Variants in CEP112 observed in about 807,000 individuals in gnomAD.
CEP112 encodes the protein centrosomal protein of 112 kDa.
In CEP112, 127 loss-of-function variants were observed where a neutral mutation model predicts 153.0. The ratio of observed to expected loss-of-function variants is 0.83; its 90% CI spans 0.72 to 0.96. The LOEUF is 0.96. Among genes scored for constraint, CEP112 ranks in the 40% least tolerant of loss-of-function variants. The probability of loss-of-function intolerance (pLI) is 0.00; values close to 1 mark genes in which losing one functional copy is unlikely to be tolerated. For missense variants in CEP112, 1,089 were observed against 1,101.2 expected (o/e 0.99, Z 0.16); for synonymous variants, 358 against 374.4 (o/e 0.96, Z 0.51).
intron 4 of CEP112, among the ~76,000 whole-genome samples, chr17:66,146,285 T>C (rs534119886): frequency 6.6e-6 from 1 of 152,198 alleles, no homozygotes; most frequent in South Asian, 2.1e-4. Context: ...TGAATTCAAT[T>C]TCTTTGGTAT....
At chr17:66,053,214 A>C (rs1016401276) in intron 12 of CEP112, among the ~76,000 whole-genome samples, 2 of 151,996 alleles carry the variant, frequency 1.3e-5, no homozygotes, top group Non-Finnish European at 2.9e-5. Context: ...AAAAAATAAT[A>C]AATAAGACTA....
chr17:66,155,639 T>C (rs2071406670), intron 4 of CEP112, among the ~76,000 whole-genome samples: 1 of 151,946 alleles, frequency 6.6e-6, no homozygotes, highest in Non-Finnish European at 1.5e-5. Flanking sequence ...CAAGCTAAGA[T>C]CCAACGGCTT....
intron 13 of CEP112, among the ~76,000 whole-genome samples, chr17:66,029,637 G>C (rs1444816837): frequency 2.0e-5 from 3 of 152,088 alleles, no homozygotes; most frequent in African/African-American, 7.2e-5. Flanking sequence ...CCAGGAGTTT[G>C]AGATACAGTG....
At chr17:65,647,225 G>A (rs2045487684) in intron 24 of CEP112, among the ~76,000 whole-genome samples, 1 of 147,274 alleles carries the variant, frequency 6.8e-6, no homozygotes, top group Non-Finnish European at 1.5e-5. Context: ...CCAGGCTGGA[G>A]TGCAATGGCG....
chr17:65,997,549 G>A (rs916440685), intron 17 of CEP112, among the ~76,000 whole-genome samples: 5 of 152,056 alleles, frequency 3.3e-5, no homozygotes, highest in South Asian at 2.1e-4. Flanking sequence ...CCTCAGACAC[G>A]TTTAATTAAA....
At chr17:65,787,869 T>C (rs997571755) in intron 21 of CEP112, among the ~76,000 whole-genome samples, 3 of 152,216 alleles carry the variant, frequency 2.0e-5, no homozygotes, top group Admixed American at 2.0e-4. Context: ...CAGTGAATAA[T>C]ATCAGGTTGC....
intron 11 of CEP112, among the ~76,000 whole-genome samples, chr17:66,056,085 T>C (rs2066672846): frequency 6.6e-6 from 1 of 152,194 alleles, no homozygotes; most frequent in African/African-American, 2.4e-5. Flanking sequence ...TGCTGGAGTT[T>C]ATGAAACCAT....
At chr17:65,749,516 AT>A (rs1298734790) in intron 22 of CEP112, among the ~76,000 whole-genome samples, 2 of 152,130 alleles carry the variant, frequency 1.3e-5, no homozygotes, top group East Asian at 1.9e-4. Context: ...TCAAAAAAAA[AT>A]AAATAAATAA....
At chr17:66,007,547 G>A (rs1047900974) in intron 16 of CEP112, among the ~76,000 whole-genome samples, 2 of 152,108 alleles carry the variant, frequency 1.3e-5, no homozygotes, top group African/African-American at 2.4e-5. Flanking sequence ...CCATTTCAAC[G>A]CAAATCTAGT....
intron 23 of CEP112, among the ~76,000 whole-genome samples, chr17:65,736,655 T>C (rs189912580): frequency 1.3e-5 from 2 of 152,304 alleles, no homozygotes; most frequent in Admixed American, 1.3e-4. Flanking sequence ...AGGAAAGTGC[T>C]GCCATAGAGC....
rs141389111 is a variant in CEP112 at position 65,981,019 on chromosome 17, T to A, written c.1737-19421A>T. On this transcript the variant is annotated intron_variant, in intron 17 of 26. Coordinates refer to ENST00000535342, the MANE Select transcript of CEP112 (RefSeq NM_001199165.4). ...GAACATGGAGAGGGGTTTCTCCATG[T>A]TGACCAGGCTGGTCTTGAACTCCTG... Among the ~76,000 whole-genome samples, 344 of 152,256 alleles carry A rather than the reference T, an allele frequency of 2.3e-3. 3 individuals are homozygous for A. Among genetic ancestry groups the A allele is most frequent in the African/African-American group, 8.0e-3 (334 of 41,548 alleles).
At chr17:66,167,841 G>A (rs1222892296) in intron 4 of CEP112, among the ~76,000 whole-genome samples, 1 of 152,168 alleles carries the variant, frequency 6.6e-6, no homozygotes, top group African/African-American at 2.4e-5. Context: ...GGACTATAGA[G>A]AGGATTCAAT....
intron 21 of CEP112, among the ~76,000 whole-genome samples, chr17:65,753,897 C>T (rs928702364): frequency 6.6e-6 from 1 of 152,162 alleles, no homozygotes; most frequent in Non-Finnish European, 1.5e-5. Flanking sequence ...GTGAGCTACT[C>T]TTCATGAGTT....
chr17:66,015,910 T>A (rs2064751392), intron 16 of CEP112, among the ~76,000 whole-genome samples: 1 of 152,206 alleles, frequency 6.6e-6, no homozygotes, highest in African/African-American at 2.4e-5. Context: ...AATATCACCT[T>A]CCTCAAAATT....
Position 66,037,186 on chromosome 17 carries a change from T to C in CEP112, c.1219-7163A>G, listed in dbSNP as rs577489052. Among the ~76,000 whole-genome samples the C allele has an allele frequency of 8.5e-5, 13 of 152,322 alleles. No individual in the cohort carries two copies. The South Asian group carries it at 2.7e-3, about 32-fold the overall frequency. ...ATGTGTGGAAATAAAAGTGGCTCAT[T>C]ATCCAATGATTTCTTAAACATATAC... On this transcript the variant is annotated intron_variant, in intron 12 of 26. Coordinates refer to ENST00000535342, the MANE Select transcript of CEP112 (RefSeq NM_001199165.4).
chr17:65,975,798 G>A (rs1315285671), intron 17 of CEP112, among the ~76,000 whole-genome samples: 1 of 152,100 alleles, frequency 6.6e-6, no homozygotes, highest in Non-Finnish European at 1.5e-5. Context: ...CCTAATTTGG[G>A]ACTAAACATA....
At chr17:65,645,124 T>C (rs192684816) in intron 24 of CEP112, among the ~76,000 whole-genome samples, 6 of 151,924 alleles carry the variant, frequency 3.9e-5, no homozygotes, top group Admixed American at 2.6e-4. Context: ...TATATACTTA[T>C]ATGTATTTTT....
intron 18 of CEP112, among the ~76,000 whole-genome samples, chr17:65,937,564 G>A (rs1176710212): frequency 1.1e-5 from 1 of 90,808 alleles, no homozygotes; most frequent in Non-Finnish European, 2.3e-5. Flanking sequence ...CCGGGAGGGA[G>A]GTGGGGGGGG....
At chr17:65,725,108 T>G (rs1172353044) in intron 23 of CEP112, among the ~76,000 whole-genome samples, 1 of 152,198 alleles carries the variant, frequency 6.6e-6, no homozygotes, top group African/African-American at 2.4e-5. Context: ...TGTTAATATA[T>G]CAAGGATGTC....
Sources: gnomAD v4.1 joint callset for allele counts (sites outside exome capture counted in the v4.1 genomes callset) on GRCh38, gnomAD v4.1.1 for gene constraint, MANE v1.5 for transcripts, NCBI Gene and HGNC (gene_info 2026-07-23, HGNC 2026-07-21) for gene names.